Variants in TEK observed in about 807,000 individuals in gnomAD.
TEK encodes the protein TEK receptor tyrosine kinase.
In TEK, 43 loss-of-function variants were observed where a neutral mutation model predicts 131.8. That is an observed-to-expected ratio of 0.33 (90% CI 0.26 to 0.42). The LOEUF (loss-of-function observed/expected upper bound fraction) is 0.42. TEK is among the 10% of genes least tolerant of loss of function. The probability of loss-of-function intolerance (pLI) is 1.00; values close to 1 mark genes in which losing one functional copy is unlikely to be tolerated. For synonymous variants in TEK, 580 were observed against 491.6 expected (o/e 1.18, Z -2.38); for missense variants, 1,162 against 1,384.4 (o/e 0.84, Z 2.55).
intron 10 of TEK, 69 bp downstream of exon 10, chr9:27,190,759 A>G (rs1447647750): frequency 2.5e-6 from 4 of 1,592,188 alleles, no homozygotes; most frequent in Non-Finnish European, 3.4e-6. Context: ...CTCCAAATCT[A>G]GAAATTCCCT....
At chr9:27,112,888 G>C (rs971676979) in intron 1 of TEK, among the ~76,000 whole-genome samples, 1 of 152,226 alleles carries the variant, frequency 6.6e-6, no homozygotes, top group Non-Finnish European at 1.5e-5. Context: ...TTTGTTGAAA[G>C]TTCTTGTGAA....
At chr9:27,172,424 T>A (rs1291923154) in intron 4 of TEK, among the ~76,000 whole-genome samples, 192 bp from the exon 5 acceptor site, 1 of 152,238 alleles carries the variant, frequency 6.6e-6, no homozygotes, top group Non-Finnish European at 1.5e-5. Flanking sequence ...ACTCCTTGTC[T>A]TTGTTTCTGT....
rs3739542 is a variant in TEK, at chr9:27,172,840, C to A, written c.760+93C>A. The A allele has an allele frequency of 0.69, 1,068,433 of 1,545,046 alleles. 371,173 individuals are homozygous for A. The highest frequency in any genetic ancestry group is 0.8 in the Middle Eastern group (4,751 of 5,932). The stretch of plus-strand genomic sequence containing the variant: ...AGATCTCGACACAGATGGGAATGGA[C>A]GCTAAATGGCCTCTGTTAGGTCAGA... On this transcript the variant is annotated intron_variant, in intron 5 of 22. Coordinates refer to ENST00000380036, the MANE Select transcript of TEK (RefSeq NM_000459.5).
chr9:27,171,720 C>T (rs1045185635), intron 4 of TEK, among the ~76,000 whole-genome samples: 2 of 152,276 alleles, frequency 1.3e-5, no homozygotes, highest in Admixed American at 6.5e-5. Context: ...TAATATGAAT[C>T]TTAAAAAATA....
intron 7 of TEK, 44 bp from the exon 8 acceptor site, chr9:27,183,415 C>T (rs1254197664): frequency 1.2e-6 from 2 of 1,601,968 alleles, no homozygotes; most frequent in Admixed American, 1.7e-5. Context: ...CTGCTGCTGG[C>T]TCTGTTAAAT....
intron 17 of TEK, 46 bp downstream of exon 17, chr9:27,212,943 C>A: frequency 1.9e-6 from 3 of 1,595,988 alleles, no homozygotes; most frequent in Non-Finnish European, 2.6e-6. Context: ...TGTGGAGTTC[C>A]CTCTAAAGTC....
intron 14 of TEK, among the ~76,000 whole-genome samples, chr9:27,205,716 T>C (rs973327918): frequency 1.3e-5 from 2 of 152,202 alleles, no homozygotes; most frequent in Non-Finnish European, 2.9e-5. Context: ...TTGAGTTCTT[T>C]TGGTATACTA....
intron 15 of TEK, among the ~76,000 whole-genome samples, chr9:27,207,281 C>T (rs1162981342): frequency 3.3e-5 from 5 of 152,166 alleles, no homozygotes; most frequent in Non-Finnish European, 5.9e-5. Context: ...CATAGGTTAA[C>T]TGTATATAAG....
Position 27,197,321 on chromosome 9 carries a change from C to A in TEK, c.1631C>A (p.Pro544His). The A allele has an allele frequency of 6.2e-7, 1 of 1,614,030 alleles. No homozygotes were observed. Among genetic ancestry groups the A allele is most frequent in the Non-Finnish European group, 8.5e-7 (1 of 1,179,962 alleles). Residue 544 changes from proline (P) to histidine (H), a missense_variant, in exon 12 of 23, where the codon CCT becomes CAT. Around this residue, in one of 6 missense-constraint regions of TEK, gnomAD observed 477 missense variants for 471.0 expected, o/e 1.01. Coordinates refer to ENST00000380036, the MANE Select transcript of TEK (RefSeq NM_000459.5). ...RRFTTASIGL[P>H]PPRGLNLLPK... ...TTTTTCTGGATTCTCCTAGGACTCC[C>A]TCCTCCAAGAGGTCTAAATCTCCTG...
Position 27,172,610 on chromosome 9 carries a change from C to T in TEK, c.629-6C>T. The T allele has an allele frequency of 6.2e-7, 1 of 1,613,300 alleles. No individual in the cohort carries two copies. Among genetic ancestry groups the T allele is most frequent in the South Asian group, 1.1e-5 (1 of 91,060 alleles). On this transcript the variant is annotated splice_region_variant and splice_polypyrimidine_tract_variant and intron_variant, in intron 4 of 22. Coordinates refer to ENST00000380036, the MANE Select transcript of TEK (RefSeq NM_000459.5). ...CTCACCACAGCCTTGTTTTCCTTAACAAAAGGATGTGAAGCCCAGAAGTGG... is the reference window on the plus strand; with the variant it reads ...CTCACCACAGCCTTGTTTTCCTTAATAAAAGGATGTGAAGCCCAGAAGTGG...
At chr9:27,214,573 T>C (rs1263573095) in intron 18 of TEK, among the ~76,000 whole-genome samples, 2 of 152,228 alleles carry the variant, frequency 1.3e-5, no homozygotes, top group Non-Finnish European at 2.9e-5. Flanking sequence ...TTTTAGTTAC[T>C]GAGAAGATAA....
chr9:27,195,530 G>T lies in TEK; in HGVS notation c.1625-1785G>T, dbSNP rs527964404. On this transcript the variant is annotated intron_variant, in intron 11 of 22. Transcript: ENST00000380036. ...TCATACACTAAGAACAAATTTTTTTGCCCCATAGGAGTGATTGTGTCCCTA... is the reference window on the plus strand; with the variant it reads ...TCATACACTAAGAACAAATTTTTTTTCCCCATAGGAGTGATTGTGTCCCTA... 1.1e-3 allele frequency: 413 copies of T among 377,558 alleles called. 1 individual carries two copies. Among genetic ancestry groups the T allele is most frequent in the Non-Finnish European group, 8.0e-4 (154 of 193,530 alleles). 23.4% of individuals were successfully genotyped at this position (377,558 alleles called of 1,614,324 possible).
rs1429206297 is a variant in TEK at position 27,218,133 on chromosome 9, C to CG, written c.3062+380dup. 1.3e-4 allele frequency among the ~76,000 whole-genome samples: 18 copies of CG among 143,922 alleles called. 1 individual carries two copies. Among genetic ancestry groups the CG allele is most frequent in the African/African-American group, 2.5e-4 (10 of 39,454 alleles). 94.4% of individuals were successfully genotyped at this position (143,922 alleles called of 152,430 possible). A position where few individuals can be genotyped will look rare whatever the true frequency, so the allele number is the denominator to read the frequency against. On this transcript the variant is annotated intron_variant, in intron 19 of 22. Coordinates refer to ENST00000380036, the MANE Select transcript of TEK (RefSeq NM_000459.5). Reference sequence around the variant, plus strand: ...GGGACAAAATAAGGCCAGACAGTGGCGGGGGTCGTCTCTGCTTGCAGCCTG... The same window carrying CG: ...GGGACAAAATAAGGCCAGACAGTGGCGGGGGGTCGTCTCTGCTTGCAGCCTG...
At chr9:27,120,062 T>G (rs1821723625) in intron 1 of TEK, among the ~76,000 whole-genome samples, 1 of 152,246 alleles carries the variant, frequency 6.6e-6, no homozygotes, top group Admixed American at 6.5e-5. Flanking sequence ...GGGGTTGATT[T>G]AAACATCCAT....
At chr9:27,161,412 C>A (rs551272287) in intron 2 of TEK, among the ~76,000 whole-genome samples, 1 of 152,142 alleles carries the variant, frequency 6.6e-6, no homozygotes, top group African/African-American at 2.4e-5. Flanking sequence ...TTGGTATATA[C>A]AAGAAGCATC....
chr9:27,141,801 T>A (rs1036208601), intron 1 of TEK, among the ~76,000 whole-genome samples: 1 of 152,244 alleles, frequency 6.6e-6, no homozygotes, highest in African/African-American at 2.4e-5. Context: ...GTTAATTAAA[T>A]GTGACCTAAC....
At chr9:27,212,589 T>G in intron 16 of TEK, 118 bp from the exon 17 acceptor site, 1 of 1,056,162 alleles carries the variant, frequency 9.5e-7, no homozygotes, top group Non-Finnish European at 1.4e-6. Flanking sequence ...CTGGGTGGTG[T>G]TGCTAGATGT....
At chr9:27,135,800 T>G (rs17694837) in intron 1 of TEK, among the ~76,000 whole-genome samples, 7 of 151,896 alleles carry the variant, frequency 4.6e-5, no homozygotes, top group Non-Finnish European at 7.4e-5. Flanking sequence ...GAGATAGGCA[T>G]AGCACTGCAC....
intron 1 of TEK, among the ~76,000 whole-genome samples, chr9:27,118,886 AG>A (rs1821671588): frequency 6.6e-6 from 1 of 152,148 alleles, no homozygotes; most frequent in Non-Finnish European, 1.5e-5. Context: ...TTCTTCATAG[AG>A]GACACTGTAT....
Sources: gnomAD v4.1 joint callset for allele counts (sites outside exome capture counted in the v4.1 genomes callset) on GRCh38, gnomAD v4.1.1 for gene constraint, gnomAD v4.1.1 regional missense constraint, MANE v1.5 for transcripts, NCBI Gene and HGNC (gene_info 2026-07-23, HGNC 2026-07-21) for gene names.